Variants in CHCHD3 observed in about 807,000 individuals in gnomAD.
CHCHD3 encodes the protein MICOS complex subunit MIC19.
In CHCHD3, 20 loss-of-function variants were observed where a neutral mutation model predicts 38.2. That is an observed-to-expected ratio of 0.52 (90% CI 0.37 to 0.76). The LOEUF (loss-of-function observed/expected upper bound fraction) is 0.76, where lower values mean the gene tolerates loss of function less well. CHCHD3 is among the 30% of genes least tolerant of loss of function. The pLI, the probability that CHCHD3 is intolerant of heterozygous loss-of-function variation, is 0.00. For synonymous variants in CHCHD3, 82 were observed against 100.0 expected (o/e 0.82, Z 1.07); for missense variants, 245 against 279.2 (o/e 0.88, Z 0.87).
chr7:133,004,957 T>C (rs1446427964), intron 3 of CHCHD3, among the ~76,000 whole-genome samples: 2 of 152,098 alleles, frequency 1.3e-5, no homozygotes, highest in Non-Finnish European at 2.9e-5. Context: ...ATAATCATTC[T>C]TATTTTTGTT....
intron 5 of CHCHD3, among the ~76,000 whole-genome samples, chr7:132,876,282 A>C (rs1808894203): frequency 1.3e-5 from 2 of 152,210 alleles, no homozygotes; most frequent in African/African-American, 4.8e-5. Flanking sequence ...CAGGAAACAT[A>C]ATGATTTCCT....
chr7:132,887,256 A>G (rs1191103829), intron 4 of CHCHD3, among the ~76,000 whole-genome samples: 3 of 151,920 alleles, frequency 2.0e-5, no homozygotes, highest in Non-Finnish European at 4.4e-5. Flanking sequence ...TTAAGATTAG[A>G]TTAAAGTACA....
intron 2 of CHCHD3, among the ~76,000 whole-genome samples, chr7:133,055,077 C>T (rs1304657068): frequency 6.6e-6 from 1 of 151,816 alleles, no homozygotes; most frequent in Non-Finnish European, 1.5e-5. Context: ...TTAATCCCAG[C>T]TACTTGGAAG....
intron 5 of CHCHD3, among the ~76,000 whole-genome samples, chr7:132,879,787 T>G (rs965271184): frequency 2.3e-5 from 3 of 129,888 alleles, no homozygotes; most frequent in South Asian, 4.9e-4. Context: ...GATGAAAAGA[T>G]GGAAGGCAGT....
In CHCHD3 at chr7:133,008,258, T is replaced by C. The variant is rs78479163; in HGVS notation, c.251+16288A>G. On this transcript the variant is annotated intron_variant, in intron 3 of 7. Transcript: ENST00000262570. The stretch of plus-strand genomic sequence containing the variant: ...ATCAAGTAAGAAGATTTCCTATTCT[T>C]CGACATTTTGCCATTAGTTATACAG... 8.4e-4 allele frequency among the ~76,000 whole-genome samples: 128 copies of C among 152,262 alleles called. 1 individual carries two copies. In the East Asian group the frequency reaches 0.016, roughly 20 times the overall value.
intron 4 of CHCHD3, among the ~76,000 whole-genome samples, chr7:132,959,226 A>C (rs557332863): frequency 1.6e-4 from 24 of 152,370 alleles, no homozygotes; most frequent in African/African-American, 5.5e-4. Context: ...CTATACTCAC[A>C]TTCCAGAAAC....
intron 4 of CHCHD3, among the ~76,000 whole-genome samples, chr7:132,898,832 T>C (rs113031382): frequency 0.053 from 7,992 of 152,106 alleles, 400 homozygotes; most frequent in African/African-American, 0.12. Context: ...GTACACCCTC[T>C]GCAGCCACTG....
chr7:132,919,419 G>T (rs1186188858), intron 4 of CHCHD3, among the ~76,000 whole-genome samples: 1 of 152,072 alleles, frequency 6.6e-6, no homozygotes, highest in Admixed American at 6.5e-5. Flanking sequence ...CCATAGTTGG[G>T]TTTATTCTTA....
chr7:132,987,978 T>C (rs964725488), intron 3 of CHCHD3, among the ~76,000 whole-genome samples: 2 of 152,224 alleles, frequency 1.3e-5, no homozygotes, highest in African/African-American at 4.8e-5. Flanking sequence ...ACATTTTCTA[T>C]ACTCTAGCTT....
intron 6 of CHCHD3, among the ~76,000 whole-genome samples, chr7:132,804,071 C>T (rs1037145615): frequency 5.3e-5 from 8 of 151,940 alleles, no homozygotes; most frequent in South Asian, 2.1e-4. Flanking sequence ...ATAGCCAACA[C>T]GGGAGTCCCC....
At chr7:132,850,438 GTT>G (rs55705092) in intron 5 of CHCHD3, among the ~76,000 whole-genome samples, 20 of 141,816 alleles carry the variant, frequency 1.4e-4, no homozygotes, top group African/African-American at 3.7e-4. Context: ...AGAGTCTCAG[GTT>G]TTTTTTTTTG....
At chr7:133,060,028 T>G (rs548108049) in intron 2 of CHCHD3, among the ~76,000 whole-genome samples, 1 of 152,304 alleles carries the variant, frequency 6.6e-6, no homozygotes, top group African/African-American at 2.4e-5. Flanking sequence ...TACATACTAT[T>G]ACAAGGATCA....
chr7:132,796,350 C>T (rs1265254033), intron 7 of CHCHD3, 92 bp downstream of exon 7: 13 of 1,431,020 alleles, frequency 9.1e-6, no homozygotes, highest in Non-Finnish European at 1.2e-5. Flanking sequence ...AGCTTTTTCA[C>T]ACACAGTGGC....
intron 2 of CHCHD3, among the ~76,000 whole-genome samples, chr7:133,043,415 GCAGATTACCTGACGT>G (rs774449048): frequency 6.6e-6 from 1 of 152,122 alleles, no homozygotes; most frequent in African/African-American, 2.4e-5. Context: ...GCCAAGGCGG[GCAGATTACCTGACGT>G]CAGGAGTCTG....
intron 6 of CHCHD3, among the ~76,000 whole-genome samples, chr7:132,798,018 T>A (rs1302386647): frequency 6.6e-6 from 1 of 152,194 alleles, no homozygotes; most frequent in Non-Finnish European, 1.5e-5. Context: ...ATTTTAAATT[T>A]AATGGGTTCA....
intron 5 of CHCHD3, among the ~76,000 whole-genome samples, chr7:132,854,236 T>C (rs1808291113): frequency 1.3e-5 from 2 of 152,226 alleles, no homozygotes; most frequent in Admixed American, 6.5e-5. Context: ...GAGTTCATCA[T>C]ACTGAAAAAT....
chr7:133,055,472 T>C (rs1485176090), intron 2 of CHCHD3, among the ~76,000 whole-genome samples: 2 of 145,628 alleles, frequency 1.4e-5, no homozygotes, highest in African/African-American at 5.0e-5. Context: ...TTATGTTATG[T>C]AATTAATTAT....
chr7:132,985,586 A>G (rs1343484352), intron 3 of CHCHD3, among the ~76,000 whole-genome samples: 28 of 67,670 alleles, frequency 4.1e-4, no homozygotes, highest in South Asian at 1.1e-3. Context: ...CAGCCGCCCC[A>G]TCCGGGAGGT....
chr7:132,809,258 A>C lies in CHCHD3; in HGVS notation c.525-12681T>G, dbSNP rs181637064. Among the ~76,000 whole-genome samples, 7 of 152,076 alleles carry C rather than the reference A, an allele frequency of 4.6e-5. No homozygotes were observed. The East Asian group carries it at 1.4e-3, about 29-fold the overall frequency. ...TATGGCATAAGCCACAGCACCGGCT[A>C]ATTCTTTATTTTCAAGAAGTCACTG... On this transcript the variant is annotated intron_variant, in intron 6 of 7. Transcript: ENST00000262570.
Sources: gnomAD v4.1 joint callset for allele counts (sites outside exome capture counted in the v4.1 genomes callset) on GRCh38, gnomAD v4.1.1 for gene constraint, MANE v1.5 for transcripts, NCBI Gene and HGNC (gene_info 2026-07-23, HGNC 2026-07-21) for gene names.